Variants in OSBPL3 observed in about 807,000 individuals in gnomAD.
OSBPL3 encodes the protein oxysterol-binding protein-related protein 3.
OSBPL3 carries 65 observed loss-of-function variants against 120.1 expected under a neutral mutation model. The observed-to-expected ratio is 0.54, with a 90% confidence interval of 0.44 to 0.67. OSBPL3 has a LOEUF of 0.67. Among genes scored for constraint, OSBPL3 ranks in the 30% least tolerant of loss-of-function variants. OSBPL3 has a pLI of 0.00. For synonymous variants in OSBPL3, 416 were observed against 402.6 expected (o/e 1.03, Z -0.40); for missense variants, 1,004 against 1,082.1 (o/e 0.93, Z 1.01).
intron 15 of OSBPL3, among the ~76,000 whole-genome samples, chr7:24,832,363 A>T (rs1223906283): frequency 6.6e-6 from 1 of 151,292 alleles, no homozygotes; most frequent in East Asian, 2.0e-4. Flanking sequence ...TACAAAAATT[A>T]GCCGGGTGTG....
chr7:24,897,788 T>C (rs1236149835), intron 1 of OSBPL3, among the ~76,000 whole-genome samples: 1 of 152,198 alleles, frequency 6.6e-6, no homozygotes, highest in African/African-American at 2.4e-5. Flanking sequence ...TCATCACCAC[T>C]AGCTCTCCAA....
Position 24,946,425 on chromosome 7 carries a change from A to G in OSBPL3, c.-150+33461T>C, listed in dbSNP as rs568934602. Among the ~76,000 whole-genome samples the G allele has an allele frequency of 2.0e-4, 30 of 152,302 alleles. 1 individual carries two copies. The highest frequency in any genetic ancestry group is 3.4e-3 in the Middle Eastern group (1 of 294). ...CCTATCAATGAAAGAACTTCTGGTC[A>G]GTTTTTAAAACTTCCACAGTGCTTA... On this transcript the variant is annotated intron_variant, in intron 1 of 22. Transcript: ENST00000313367. The surrounding 1 kb of genome is among the most constrained non-coding windows in gnomAD (Gnocchi z 4.3).
chr7:24,926,539 C>T (rs1215002156), intron 1 of OSBPL3, among the ~76,000 whole-genome samples: 1 of 152,192 alleles, frequency 6.6e-6, no homozygotes, highest in East Asian at 1.9e-4. Flanking sequence ...TGACATTTCA[C>T]CTTCCAGCCA....
intron 2 of OSBPL3, among the ~76,000 whole-genome samples, chr7:24,886,132 A>C (rs1490706372): frequency 6.6e-6 from 1 of 152,224 alleles, no homozygotes; most frequent in African/African-American, 2.4e-5. Context: ...ACACTTACTG[A>C]ATGTTTCCCC....
intron 1 of OSBPL3, among the ~76,000 whole-genome samples, chr7:24,929,352 GT>G (rs1466277564): frequency 1.3e-5 from 2 of 152,168 alleles, no homozygotes; most frequent in African/African-American, 4.8e-5. Flanking sequence ...TCATTAAATA[GT>G]TGCTAACGCC....
At chr7:24,860,481 G>A (rs577440591) in intron 10 of OSBPL3, among the ~76,000 whole-genome samples, 64 of 152,208 alleles carry the variant, frequency 4.2e-4, no homozygotes, top group African/African-American at 1.3e-3. Context: ...TTTTATAAGG[G>A]GTTTCCCTTT....
chr7:24,886,766 T>C (rs906079401), intron 2 of OSBPL3, among the ~76,000 whole-genome samples: 9 of 152,180 alleles, frequency 5.9e-5, no homozygotes, highest in African/African-American at 1.9e-4. Flanking sequence ...AGCTCAAGGT[T>C]CCAAACCAGA....
chr7:24,809,649 A>T (rs1028233993), intron 20 of OSBPL3, among the ~76,000 whole-genome samples, 158 bp downstream of exon 20: 1 of 152,068 alleles, frequency 6.6e-6, no homozygotes, highest in African/African-American at 2.4e-5. Context: ...GGAGGTGAAG[A>T]CTGGATGAAG....
chr7:24,826,355 C>A (rs1379548116), intron 16 of OSBPL3, among the ~76,000 whole-genome samples: 1 of 152,182 alleles, frequency 6.6e-6, no homozygotes, highest in African/African-American at 2.4e-5. Context: ...CACTCCTGAT[C>A]GGTCCTCTTT....
rs150615181 is a variant in OSBPL3 at position 24,902,126 on chromosome 7, G to T, written c.-149-9505C>A. On this transcript the variant is annotated intron_variant, in intron 1 of 22. Coordinates refer to ENST00000313367, the MANE Select transcript of OSBPL3 (RefSeq NM_015550.4). ...GGATCTCCCTGAAAGGGGTTGTTGA[G>T]GTGATTAGATGAGCTAATGCATATA... 2.2e-3 allele frequency among the ~76,000 whole-genome samples: 331 copies of T among 152,340 alleles called. 1 individual carries two copies. Among genetic ancestry groups the T allele is most frequent in the African/African-American group, 7.8e-3 (323 of 41,574 alleles).
intron 15 of OSBPL3, among the ~76,000 whole-genome samples, chr7:24,832,022 G>A (rs187601379): frequency 5.9e-5 from 9 of 152,040 alleles, no homozygotes; most frequent in African/African-American, 2.2e-4. Flanking sequence ...GGACAACATG[G>A]CGAAACCTCT....
rs1419523529 is a variant in OSBPL3, at chr7:24,842,402, T to G, written c.1278A>C (p.Arg426Ser). 1 of 1,597,022 alleles carries G rather than the reference T, an allele frequency of 6.3e-7. No individual in the cohort carries two copies. Among genetic ancestry groups the G allele is most frequent in the Non-Finnish European group, 8.5e-7 (1 of 1,175,418 alleles). The change falls in exon 13 of 23, where the codon AGA (arginine) becomes AGC (serine). Residue 426 changes from arginine to serine, a missense_variant. By Grantham distance (110) the Arg-to-Ser change is moderately radical. Transcript: ENST00000313367. Reference protein sequence around the residue: ...SGDNLAEENSRDENRALVHQL... With the variant: ...SGDNLAEENSSDENRALVHQL... ...GATGAACTAGAGCTCGGTTTTCATC[T>G]CTGGAGTTTTCCTATTTGAAGAACA...
intron 2 of OSBPL3, among the ~76,000 whole-genome samples, chr7:24,878,794 C>A (rs541993294): frequency 4.7e-4 from 72 of 152,184 alleles, no homozygotes; most frequent in Non-Finnish European, 3.7e-4. Context: ...CTGTAATTTG[C>A]ATGTCAATCA....
intron 1 of OSBPL3, among the ~76,000 whole-genome samples, chr7:24,893,488 G>A (rs1286259116): frequency 6.6e-6 from 1 of 152,152 alleles, no homozygotes; most frequent in Non-Finnish European, 1.5e-5. Context: ...CTGCTTAATG[G>A]CTACAGTTTC....
Position 24,940,947 on chromosome 7 carries a change from G to A in OSBPL3, c.-150+38939C>T, listed in dbSNP as rs887272323. 2.0e-5 allele frequency among the ~76,000 whole-genome samples: 3 copies of A among 151,812 alleles called. No individual in the cohort carries two copies. The highest frequency in any genetic ancestry group is 7.3e-5 in the African/African-American group (3 of 41,308). Reference sequence around the variant, plus strand: ...CCATTCTCCTGCCCCAGCCTCCCAAGTAGCTGGGACTACAGGCTCCTGCCA... The same window carrying A: ...CCATTCTCCTGCCCCAGCCTCCCAAATAGCTGGGACTACAGGCTCCTGCCA... On this transcript the variant is annotated intron_variant, in intron 1 of 22. Coordinates refer to ENST00000313367, the MANE Select transcript of OSBPL3 (RefSeq NM_015550.4). This position sits in a 1 kb window ranked among gnomAD's most constrained non-coding sequence, Gnocchi z 4.4.
At chr7:24,880,067 C>T (rs1803436447) in intron 2 of OSBPL3, among the ~76,000 whole-genome samples, 1 of 152,180 alleles carries the variant, frequency 6.6e-6, no homozygotes, top group Admixed American at 6.5e-5. Flanking sequence ...TCTGGCCATG[C>T]AGCCCACTGG....
At chr7:24,874,721 TG>T (rs1230925940) in intron 2 of OSBPL3, among the ~76,000 whole-genome samples, 1 of 152,200 alleles carries the variant, frequency 6.6e-6, no homozygotes, top group African/African-American at 2.4e-5. Context: ...ATCTTCCACC[TG>T]GGGTCAGAAC....
chr7:24,818,016 C>G lies in OSBPL3; in HGVS notation c.1949-1328G>C, dbSNP rs1249792465. ...TGAAGCAGGGGGGACAGTGGGGAGC[C>G]CTGGCTGGGGTCCAGGTGAGAGAGG... On this transcript the variant is annotated intron_variant, in intron 17 of 22. Coordinates refer to ENST00000313367, the MANE Select transcript of OSBPL3 (RefSeq NM_015550.4). The surrounding 1 kb of genome is among the most constrained non-coding windows in gnomAD (Gnocchi z 4.0). Among the ~76,000 whole-genome samples the G allele has an allele frequency of 6.6e-6, 1 of 152,056 alleles. No homozygotes were observed. The highest frequency in any genetic ancestry group is 6.6e-5 in the Admixed American group (1 of 15,266).
intron 2 of OSBPL3, among the ~76,000 whole-genome samples, chr7:24,887,135 T>TTTCA (rs1351886233): frequency 6.6e-6 from 1 of 152,068 alleles, no homozygotes; most frequent in Admixed American, 6.6e-5. Context: ...GGCAGCAGGG[T>TTTCA]TTCATAGATC....
Sources: allele counts gnomAD v4.1 joint callset (sites outside exome capture counted in the v4.1 genomes callset), GRCh38; gene constraint gnomAD v4.1.1; non-coding constraint Gnocchi (gnomAD v3.1); transcripts MANE v1.5; gene names NCBI Gene and HGNC (gene_info 2026-07-23, HGNC 2026-07-21).